Variants in CD163L1 observed in about 807,000 individuals in gnomAD.
CD163L1 encodes the protein CD163 molecule like 1.
Under a neutral mutation model 165.4 loss-of-function variants are expected in CD163L1, and 124 were observed. The ratio of observed to expected loss-of-function variants is 0.75; its 90% CI spans 0.65 to 0.87. CD163L1 has a LOEUF of 0.87. Ranked by LOEUF, CD163L1 falls within the 40% of genes least tolerant of loss-of-function variation. The probability of loss-of-function intolerance (pLI) is 0.00; values close to 1 mark genes in which losing one functional copy is unlikely to be tolerated. For missense variants in CD163L1, 1,525 were observed against 1,799.9 expected (o/e 0.85, Z 2.76); for synonymous variants, 585 against 662.2 (o/e 0.88, Z 1.79).
intron 4 of CD163L1, among the ~76,000 whole-genome samples, chr12:7,428,508 A>C (rs537774021): frequency 5.9e-5 from 9 of 152,152 alleles, no homozygotes; most frequent in African/African-American, 1.9e-4. Context: ...CTTATCACTT[A>C]TCTCTTTAGT....
chr12:7,428,392 T>G (rs2136620067), intron 4 of CD163L1, among the ~76,000 whole-genome samples: 1 of 152,220 alleles, frequency 6.6e-6, no homozygotes, highest in South Asian at 2.1e-4. Flanking sequence ...ACTAGTTCCT[T>G]GAGGATAAAA....
intron 2 of CD163L1, chr12:7,440,123 C>G (rs1948802928): frequency 9.5e-6 from 7 of 734,278 alleles, no homozygotes; most frequent in South Asian, 8.7e-5. Flanking sequence ...GGACCCGCCG[C>G]GCCAGCGTGG....
rs1250966259 is a variant in CD163L1, at chr12:7,368,938, G to T, written c.4067C>A (p.Ser1356Tyr). The T allele has an allele frequency of 3.7e-6, 6 of 1,613,726 alleles. No individual in the cohort carries two copies. The highest frequency in any genetic ancestry group is 5.1e-6 in the Non-Finnish European group (6 of 1,179,952). ...TGATAGGCAGAAGACTATACCTGAG[G>T]AGGCATTCAGTGATTTCAGCGACTG... ...SGQSLKSLNASSGHLALILSS... is the reference protein window; with the variant it reads ...SGQSLKSLNAYSGHLALILSS... The change falls in exon 16 of 20, where the codon TCC (serine) becomes TAC (tyrosine). Residue 1356 changes from serine (S) to tyrosine (Y), a missense_variant. Coordinates refer to ENST00000313599, the MANE Select transcript of CD163L1 (RefSeq NM_174941.6). This position sits in a 1 kb window ranked among gnomAD's most constrained non-coding sequence, Gnocchi z 4.3.
In CD163L1 at chr12:7,379,085, G is replaced by A. The variant is rs375236297; in HGVS notation, c.2264C>T (p.Ser755Leu). 11 of 1,614,108 alleles carry A rather than the reference G, an allele frequency of 6.8e-6. No homozygotes were observed. Among genetic ancestry groups the A allele is most frequent in the South Asian group, 2.2e-5 (2 of 91,074 alleles). Residue 755 changes from serine (S) to leucine (L), a missense_variant, in exon 9 of 20, where the codon TCG becomes TTG. By Grantham distance (145) the Ser-to-Leu change is moderately radical (BLOSUM62 -2). Transcript: ENST00000313599. ...TTCCCCTCCAGTGCAGCCAGAATTC[G>A]ACATTAAGATGTGTAATGTTCTTTC... ...FTERTLHILM[S>L]NSGCTGGEAS...
chr12:7,423,134 G>A (rs1392384892), intron 4 of CD163L1, among the ~76,000 whole-genome samples: 1 of 152,018 alleles, frequency 6.6e-6, no homozygotes, highest in African/African-American at 2.4e-5. Context: ...CAGTCTCTCA[G>A]GCCACTGTGC....
intron 4 of CD163L1, among the ~76,000 whole-genome samples, chr12:7,409,654 C>T (rs1948095245): frequency 6.6e-6 from 1 of 152,204 alleles, no homozygotes; most frequent in African/African-American, 2.4e-5. Context: ...GTGACCGGTA[C>T]CAGTTTACAG....
chr12:7,377,772 G>GT (rs1947302003), intron 9 of CD163L1, among the ~76,000 whole-genome samples: 1 of 152,108 alleles, frequency 6.6e-6, no homozygotes, highest in Admixed American at 6.5e-5. Context: ...TGCCACCACT[G>GT]TTCCTCAGTA....
intron 5 of CD163L1, among the ~76,000 whole-genome samples, chr12:7,406,077 A>G (rs1011130293): frequency 6.6e-6 from 1 of 152,226 alleles, no homozygotes; most frequent in Non-Finnish European, 1.5e-5. Context: ...ATTTTTAGAT[A>G]GGTACTCTTT....
At chr12:7,406,199 C>T (rs987445346) in intron 5 of CD163L1, among the ~76,000 whole-genome samples, 2 of 152,116 alleles carry the variant, frequency 1.3e-5, no homozygotes, top group African/African-American at 4.8e-5. Context: ...TAAAATTATA[C>T]TGAATATTAA....
In CD163L1 at chr12:7,386,477, G is replaced by GTAT. The variant is rs774689467; in HGVS notation, c.2051-7182_2051-7180dup. On this transcript the variant is annotated intron_variant, in intron 8 of 19. Coordinates refer to ENST00000313599, the MANE Select transcript of CD163L1 (RefSeq NM_174941.6). Reference sequence around the variant, plus strand: ...CTTCCTAACTCATCCTAGGAGGCCAGTATTACCCTGATACCAAAACCAGAA... The same window carrying GTAT: ...CTTCCTAACTCATCCTAGGAGGCCAGTATTATTACCCTGATACCAAAACCAGAA... Among the ~76,000 whole-genome samples the GTAT allele has an allele frequency of 7.8e-4, 118 of 151,914 alleles. 1 individual carries two copies. Among genetic ancestry groups the GTAT allele is most frequent in the African/African-American group, 2.8e-3 (116 of 41,474 alleles).
chr12:7,435,886 G>C (rs1021496059), intron 2 of CD163L1, among the ~76,000 whole-genome samples: 12 of 152,118 alleles, frequency 7.9e-5, no homozygotes, highest in African/African-American at 2.7e-4. Flanking sequence ...TATAGCCATT[G>C]CAACAGCAGA....
chr12:7,441,618 C>A (rs79425732), intron 1 of CD163L1, among the ~76,000 whole-genome samples: 8,815 of 152,216 alleles, frequency 0.058, 265 homozygotes, highest in Non-Finnish European at 0.065. Context: ...TTCCTCCTAA[C>A]GTTATCCCCC....
intron 9 of CD163L1, among the ~76,000 whole-genome samples, chr12:7,378,248 C>T (rs1251828487): frequency 1.3e-5 from 2 of 152,118 alleles, no homozygotes; most frequent in African/African-American, 2.4e-5. Context: ...CCACAGTGAG[C>T]ATCCTAATCA....
At position 7,388,677 on chromosome 12, in the gene CD163L1, G is replaced by A. The variant is rs148695697; in HGVS notation, c.2050+7418C>T. Among the ~76,000 whole-genome samples, 543 of 150,586 alleles carry A rather than the reference G, an allele frequency of 3.6e-3. 25 individuals are homozygous for A. In the East Asian group the frequency reaches 0.07, roughly 19 times the overall value. On this transcript the variant is annotated intron_variant, in intron 8 of 19. Transcript: ENST00000313599. ...GAGGATTGCTTGAGCCCTGGAGGTC[G>A]AGGCTGCAGTGAGCTGAGATTGTGC...
chr12:7,346,382 ACTTT>A (rs1419610405), downstream of CD163L1, among the ~76,000 whole-genome samples: 6 of 151,372 alleles, frequency 4.0e-5, no homozygotes, highest in South Asian at 4.2e-4. Flanking sequence ...CATTTTTCCT[ACTTT>A]CTTTATCTTT....
At chr12:7,382,959 A>G (rs1947442230) in intron 8 of CD163L1, among the ~76,000 whole-genome samples, 1 of 152,152 alleles carries the variant, frequency 6.6e-6, no homozygotes, top group African/African-American at 2.4e-5. Context: ...TAGTTCACAG[A>G]GGAGTGTTCC....
chr12:7,324,168 AT>A, the CD163L1 span: 2 of 1,364,314 alleles, frequency 1.5e-6, no homozygotes, highest in Non-Finnish European at 2.0e-6. Flanking sequence ...AAAAAAAAAA[AT>A]TTCCTATATA....
intron 2 of CD163L1, among the ~76,000 whole-genome samples, chr12:7,436,142 G>A (rs530154730): frequency 1.2e-4 from 18 of 152,162 alleles, no homozygotes; most frequent in South Asian, 1.0e-3. Flanking sequence ...GAAAACATAC[G>A]TAGAAAAAAA....
chr12:7,403,703 A>G lies in CD163L1; in HGVS notation c.1240T>C (p.Phe414Leu). 1 of 1,614,094 alleles carries G rather than the reference A, an allele frequency of 6.2e-7. No homozygotes were observed. Among genetic ancestry groups the G allele is most frequent in the Non-Finnish European group, 8.5e-7 (1 of 1,179,984 alleles). The change falls in exon 6 of 20, where the codon TTC becomes CTC. Residue 414 changes from phenylalanine (F) to leucine (L), a missense_variant. Coordinates refer to ENST00000313599, the MANE Select transcript of CD163L1 (RefSeq NM_174941.6). ...GCACGACGACTGCCAAAGACGCTGAACGGACATCCTAGCTGCTTACAAACC... is the reference window on the plus strand; with the variant it reads ...GCACGACGACTGCCAAAGACGCTGAGCGGACATCCTAGCTGCTTACAAACC... ...LVVCKQLGCP[F>L]SVFGSRRAKP...
Sources: allele counts gnomAD v4.1 joint callset (sites outside exome capture counted in the v4.1 genomes callset), GRCh38; gene constraint gnomAD v4.1.1; non-coding constraint Gnocchi (gnomAD v3.1); transcripts MANE v1.5; gene names NCBI Gene and HGNC (gene_info 2026-07-23, HGNC 2026-07-21).